RANBP17: variants seen among roughly 807,000 people sequenced by gnomAD.
The protein encoded by RANBP17 is RAN binding protein 17, also known as ran-binding protein 17.
Under a neutral mutation model 141.2 loss-of-function variants are expected in RANBP17, and 158 were observed. The ratio of observed to expected loss-of-function variants is 1.12; its 90% CI spans 0.98 to 1.28. RANBP17 has a LOEUF of 1.28. RANBP17 is among the 50% of genes most tolerant of loss of function. RANBP17 has a pLI of 0.00. For missense variants in RANBP17, 1,438 were observed against 1,290.7 expected (o/e 1.11, Z -1.75); for synonymous variants, 430 against 450.0 (o/e 0.96, Z 0.56).
chr5:171,231,375 A>C (rs1764200584), intron 22 of RANBP17, among the ~76,000 whole-genome samples: 1 of 152,176 alleles, frequency 6.6e-6, no homozygotes, highest in African/African-American at 2.4e-5. Context: ...CACACAAAGA[A>C]AAGTATACCA....
Position 170,862,044 on chromosome 5 carries a change from A to C in RANBP17, c.11A>C (p.His4Pro). The C allele has an allele frequency of 6.8e-7, 1 of 1,463,486 alleles. No individual in the cohort carries two copies. The highest frequency in any genetic ancestry group is 9.0e-7 in the Non-Finnish European group (1 of 1,114,778). 90.7% of individuals were successfully genotyped at this position (1,463,486 alleles called of 1,614,324 possible). ...CCGCCTCCTGGGAAGATGGCGCTGCACTTCCAGGTCAGTGTGCTCTGCGCC... is the reference window on the plus strand; with the variant it reads ...CCGCCTCCTGGGAAGATGGCGCTGCCCTTCCAGGTCAGTGTGCTCTGCGCC... MALHFQSLAELEVL... is the reference protein window; with the variant it reads MALPFQSLAELEVL... Residue 4 changes from histidine to proline, a missense_variant, in exon 1 of 28, where the codon CAC becomes CCC. Coordinates refer to ENST00000523189, the MANE Select transcript of RANBP17 (RefSeq NM_022897.5).
chr5:171,240,475 C>G (rs1255293998), intron 22 of RANBP17, among the ~76,000 whole-genome samples: 1 of 152,018 alleles, frequency 6.6e-6, no homozygotes, highest in Non-Finnish European at 1.5e-5. Context: ...TGAAGTAACT[C>G]AAGATCAAAT....
chr5:171,121,386 TC>T (rs1298060341), intron 14 of RANBP17, among the ~76,000 whole-genome samples: 2 of 152,230 alleles, frequency 1.3e-5, no homozygotes, highest in Non-Finnish European at 2.9e-5. Context: ...GGTTGTATCT[TC>T]CAAGAGCGCC....
intron 20 of RANBP17, chr5:171,206,012 C>G (rs773894032): frequency 2.1e-5 from 7 of 336,402 alleles, no homozygotes; most frequent in Non-Finnish European, 3.5e-5. Flanking sequence ...CAAGGCCTAA[C>G]CCATCATGCC....
intron 14 of RANBP17, among the ~76,000 whole-genome samples, chr5:170,974,343 A>G (rs1777211300): frequency 6.6e-6 from 1 of 152,226 alleles, no homozygotes; most frequent in Non-Finnish European, 1.5e-5. Context: ...CAGGTCTTGA[A>G]CACGTCCAAA....
At chr5:171,164,679 T>G (rs563509641) in intron 14 of RANBP17, among the ~76,000 whole-genome samples, 1 of 152,360 alleles carries the variant, frequency 6.6e-6, no homozygotes, top group East Asian at 1.9e-4. Context: ...GTAATAATGA[T>G]AATTCCTTAC....
At chr5:171,162,368 G>C (rs1197618767) in intron 14 of RANBP17, among the ~76,000 whole-genome samples, 1 of 152,170 alleles carries the variant, frequency 6.6e-6, no homozygotes. Context: ...AGTAACTGGT[G>C]CACTCAACCC....
intron 24 of RANBP17, among the ~76,000 whole-genome samples, chr5:171,260,289 A>C (rs554268630): frequency 1.0e-4 from 13 of 129,740 alleles, no homozygotes; most frequent in African/African-American, 3.7e-4. Flanking sequence ...TGACAGAGTG[A>C]GACTCCATCT....
intron 14 of RANBP17, among the ~76,000 whole-genome samples, chr5:171,131,603 A>G (rs1756927196): frequency 6.6e-6 from 1 of 152,230 alleles, no homozygotes; most frequent in South Asian, 2.1e-4. Flanking sequence ...TCAAATTTGT[A>G]CTGAAGTATG....
intron 24 of RANBP17, among the ~76,000 whole-genome samples, chr5:171,247,561 A>T (rs1301534417): frequency 6.6e-6 from 1 of 152,228 alleles, no homozygotes; most frequent in Non-Finnish European, 1.5e-5. Context: ...TCCAAAAATG[A>T]TACAAAAAAT....
At chr5:171,169,424 GTGGGATATGTGTTTATAAGC>G (rs989772532) in intron 14 of RANBP17, among the ~76,000 whole-genome samples, 1 of 152,086 alleles carries the variant, frequency 6.6e-6, no homozygotes, top group Non-Finnish European at 1.5e-5. Context: ...CCCACTTGAA[GTGGGATATGTGTTTATAAGC>G]TTAATGTGGC....
At chr5:171,282,583 A>G (rs1290176293) in intron 25 of RANBP17, among the ~76,000 whole-genome samples, 1 of 152,006 alleles carries the variant, frequency 6.6e-6, no homozygotes, top group Admixed American at 6.5e-5. Flanking sequence ...GGTTCAAGCA[A>G]TTCTCCAGTC....
intron 14 of RANBP17, among the ~76,000 whole-genome samples, chr5:171,046,544 A>T (rs1005150256): frequency 6.6e-6 from 1 of 152,074 alleles, no homozygotes; most frequent in African/African-American, 2.4e-5. Flanking sequence ...TAATTTTATG[A>T]ATGTACCATA....
chr5:171,175,307 A>T lies in RANBP17; in HGVS notation c.1865+4021A>T, dbSNP rs531212992. Among the ~76,000 whole-genome samples, 12 of 152,302 alleles carry T rather than the reference A, an allele frequency of 7.9e-5. No homozygotes were observed. The South Asian group carries it at 2.1e-3, about 26-fold the overall frequency. On this transcript the variant is annotated intron_variant, in intron 16 of 27. Transcript: ENST00000523189. ...TAGAATGATTTATCATCCTTTGGGT[A>T]TATACCCAGTAATGGGATTTGCTGG...
At chr5:171,010,729 A>G (rs1418384523) in intron 14 of RANBP17, among the ~76,000 whole-genome samples, 2 of 152,158 alleles carry the variant, frequency 1.3e-5, no homozygotes, top group Admixed American at 6.6e-5. Context: ...GTACATCAGT[A>G]TAGATCCTAT....
intron 25 of RANBP17, among the ~76,000 whole-genome samples, chr5:171,276,934 A>C (rs1405002080): frequency 4.0e-5 from 6 of 151,062 alleles, no homozygotes; most frequent in Non-Finnish European, 3.0e-5. Context: ...AAAAAAAAAA[A>C]AAAAAAAAAA....
chr5:171,291,114 A>G (rs924209787), intron 25 of RANBP17, among the ~76,000 whole-genome samples: 10 of 152,184 alleles, frequency 6.6e-5, no homozygotes, highest in African/African-American at 9.7e-5. Context: ...TCATTGAGAG[A>G]AATTTCCTAA....
chr5:170,922,961 G>A (rs1311614062), intron 11 of RANBP17, among the ~76,000 whole-genome samples: 3 of 152,024 alleles, frequency 2.0e-5, no homozygotes, highest in Admixed American at 1.3e-4. Flanking sequence ...GAAGCCCTCC[G>A]CCTTTTCATT....
chr5:170,905,521 G>T (rs902421281), intron 5 of RANBP17, among the ~76,000 whole-genome samples: 1 of 152,114 alleles, frequency 6.6e-6, no homozygotes, highest in Non-Finnish European at 1.5e-5. Flanking sequence ...TTTATAGGAT[G>T]GATTTCTAAA....
Sources: gnomAD v4.1 joint callset for allele counts (sites outside exome capture counted in the v4.1 genomes callset) on GRCh38, gnomAD v4.1.1 for gene constraint, MANE v1.5 for transcripts, NCBI Gene and HGNC (gene_info 2026-07-23, HGNC 2026-07-21) for gene names.